OGDH: variants seen among roughly 807,000 people sequenced by gnomAD.
OGDH encodes the protein 2-oxoglutarate dehydrogenase complex component E1.
In OGDH, 38 loss-of-function variants were observed where a neutral mutation model predicts 116.6. The observed-to-expected ratio is 0.33, with a 90% CI of 0.25 to 0.43. The LOEUF is 0.43. Among genes scored for constraint, OGDH ranks in the 20% least tolerant of loss-of-function variants. OGDH has a pLI of 1.00. For synonymous variants in OGDH, 488 were observed against 533.3 expected (o/e 0.92, Z 1.17); for missense variants, 825 against 1,357.2 (o/e 0.61, Z 6.16).
At chr7:44,689,375 C>G (rs1000011629) in intron 10 of OGDH, among the ~76,000 whole-genome samples, 2 of 148,902 alleles carry the variant, frequency 1.3e-5, no homozygotes, top group Admixed American at 1.3e-4. Context: ...ACCACCACTC[C>G]CAGCTAATTT....
chr7:44,634,136 G>T (rs890394914), intron 2 of OGDH, among the ~76,000 whole-genome samples: 1 of 152,258 alleles, frequency 6.6e-6, no homozygotes, highest in African/African-American at 2.4e-5. Context: ...GGCCTCTGAT[G>T]TGTCTGGCAG....
At chr7:44,642,431 A>G (rs1785985111) in intron 2 of OGDH, among the ~76,000 whole-genome samples, 1 of 151,980 alleles carries the variant, frequency 6.6e-6, no homozygotes, top group Non-Finnish European at 1.5e-5. Context: ...CTCAAAAAAT[A>G]AAAAAGAAAG....
chr7:44,696,269 A>G (rs191994397), intron 13 of OGDH, 142 bp downstream of exon 13: 3 of 1,067,732 alleles, frequency 2.8e-6, no homozygotes, highest in Admixed American at 2.1e-5. Flanking sequence ...AGCCCCCTGC[A>G]GACCCTGGAC....
intron 1 of OGDH, among the ~76,000 whole-genome samples, chr7:44,612,518 G>A (rs1784605257): frequency 6.6e-6 from 1 of 151,594 alleles, no homozygotes; most frequent in African/African-American, 2.4e-5. Flanking sequence ...CGAGTAGGTG[G>A]GACTACAGGC....
chr7:44,682,637 C>T (rs1247874536), intron 10 of OGDH, among the ~76,000 whole-genome samples: 5 of 151,184 alleles, frequency 3.3e-5, no homozygotes, highest in Admixed American at 3.3e-4. Context: ...CGGAGGTTAC[C>T]GTGAGCCAAG....
chr7:44,689,565 C>CA (rs761416165), intron 10 of OGDH, among the ~76,000 whole-genome samples: 9 of 151,738 alleles, frequency 5.9e-5, no homozygotes, highest in Non-Finnish European at 1.3e-4. Flanking sequence ...TTCATGTCCT[C>CA]ACCAACTCTT....
At chr7:44,630,521 T>C (rs1785393155) in intron 2 of OGDH, among the ~76,000 whole-genome samples, 3 of 152,228 alleles carry the variant, frequency 2.0e-5, no homozygotes, top group Non-Finnish European at 2.9e-5. Context: ...TTTTAATCTT[T>C]TATGTTTGAT....
chr7:44,613,314 T>C (rs1348294069), intron 1 of OGDH, among the ~76,000 whole-genome samples: 1 of 152,148 alleles, frequency 6.6e-6, no homozygotes, highest in Admixed American at 6.5e-5. Flanking sequence ...TAACTGGGAC[T>C]ATAGGCACCC....
chr7:44,666,245 C>T (rs953504296), intron 4 of OGDH, among the ~76,000 whole-genome samples: 12 of 152,012 alleles, frequency 7.9e-5, no homozygotes, highest in African/African-American at 2.9e-4. Context: ...CTTCTTAGTC[C>T]CCCTCCTCCA....
At chr7:44,635,613 C>T (rs985490356) in intron 2 of OGDH, among the ~76,000 whole-genome samples, 5 of 152,040 alleles carry the variant, frequency 3.3e-5, no homozygotes, top group African/African-American at 9.7e-5. Context: ...CAGAGCCACC[C>T]GTAGTCATAG....
intron 4 of OGDH, among the ~76,000 whole-genome samples, chr7:44,654,976 A>G (rs537732672): frequency 5.3e-5 from 8 of 152,324 alleles, no homozygotes; most frequent in African/African-American, 1.4e-4. Flanking sequence ...AATATCTTCT[A>G]TTGTTCTCTT....
At chr7:44,663,376 G>T (rs112877250) in intron 4 of OGDH, among the ~76,000 whole-genome samples, 1 of 152,160 alleles carries the variant, frequency 6.6e-6, no homozygotes, top group African/African-American at 2.4e-5. Context: ...AGTGGCTTAC[G>T]CCTGTAAGCA....
At chr7:44,646,101 C>A (rs1786168083) in intron 3 of OGDH, among the ~76,000 whole-genome samples, 1 of 152,180 alleles carries the variant, frequency 6.6e-6, no homozygotes, top group Non-Finnish European at 1.5e-5. Context: ...TCCCCCCATC[C>A]TTTCCCAGAG....
At chr7:44,691,874 G>T (rs1309284790) in intron 10 of OGDH, among the ~76,000 whole-genome samples, 1 of 149,962 alleles carries the variant, frequency 6.7e-6, no homozygotes, top group Non-Finnish European at 1.5e-5. Flanking sequence ...TCCCAGCTAC[G>T]CAGGAGGCTG....
At position 44,645,476 on chromosome 7, in the gene OGDH, G is replaced by A. The variant is rs745545023; in HGVS notation, c.372G>A (p.Val124=). The A allele has an allele frequency of 6.8e-6, 11 of 1,614,196 alleles. No individual in the cohort carries two copies. In the East Asian group the frequency reaches 2.2e-4, roughly 33 times the overall value. The change falls in exon 3 of 23, where the codon GTG becomes GTA. Residue 124 remains valine (V), a synonymous_variant. Coordinates refer to ENST00000222673, the MANE Select transcript of OGDH (RefSeq NM_002541.4). ...VEAQPNVDKL[V]EDHLAVQSLI... Reference sequence around the variant, plus strand: ...CACAGCCCAACGTGGACAAGCTCGTGGAGGACCACCTGGCAGTGCAGTCGC... The same window carrying A: ...CACAGCCCAACGTGGACAAGCTCGTAGAGGACCACCTGGCAGTGCAGTCGC...
At chr7:44,623,678 A>C (rs961452706) in intron 1 of OGDH, among the ~76,000 whole-genome samples, 1 of 87,572 alleles carries the variant, frequency 1.1e-5, no homozygotes, top group South Asian at 3.7e-4. Flanking sequence ...ACAGAGTCTC[A>C]CTCTGTTGCT....
chr7:44,662,134 A>G (rs1214116445), intron 4 of OGDH, among the ~76,000 whole-genome samples: 3 of 152,188 alleles, frequency 2.0e-5, no homozygotes, highest in Non-Finnish European at 4.4e-5. Flanking sequence ...GTTTGCTTCA[A>G]CCATCAAACA....
At chr7:44,661,758 C>T (rs1786956294) in intron 4 of OGDH, among the ~76,000 whole-genome samples, 1 of 151,864 alleles carries the variant, frequency 6.6e-6, no homozygotes, top group South Asian at 2.1e-4. Context: ...CCTGCCACCA[C>T]ACCCAGATAA....
chr7:44,643,114 A>AG (rs1003739450), intron 2 of OGDH, among the ~76,000 whole-genome samples: 1 of 130,416 alleles, frequency 7.7e-6, no homozygotes, highest in Admixed American at 7.1e-5. Flanking sequence ...AAAAAAAAAA[A>AG]AAAGTCATTT....
Sources: allele counts gnomAD v4.1 joint callset (sites outside exome capture counted in the v4.1 genomes callset), GRCh38; gene constraint gnomAD v4.1.1; transcripts MANE v1.5; gene names NCBI Gene and HGNC (gene_info 2026-07-23, HGNC 2026-07-21).